Variants in TTC21A observed in about 807,000 individuals in gnomAD.
The protein encoded by TTC21A is tetratricopeptide repeat domain 21A, also known as tetratricopeptide repeat protein 21A.
TTC21A carries 128 observed loss-of-function variants against 156.4 expected under a neutral mutation model. The ratio of observed to expected loss-of-function variants is 0.82; its 90% CI spans 0.71 to 0.95. The LOEUF is 0.95. Ranked by LOEUF, TTC21A falls within the 40% of genes least tolerant of loss-of-function variation. The pLI is 0.00. For synonymous variants in TTC21A, 587 were observed against 617.1 expected (o/e 0.95, Z 0.72); for missense variants, 1,435 against 1,602.3 (o/e 0.90, Z 1.78).
intron 12 of TTC21A, among the ~76,000 whole-genome samples, chr3:39,128,065 C>G (rs564078192): frequency 5.9e-5 from 9 of 152,284 alleles, no homozygotes; most frequent in African/African-American, 2.2e-4. Flanking sequence ...TGTGAAGTGA[C>G]TTAGCTATCT....
intron 9 of TTC21A, among the ~76,000 whole-genome samples, chr3:39,124,761 T>C (rs1298305857): frequency 6.6e-6 from 1 of 151,988 alleles, no homozygotes; most frequent in African/African-American, 2.4e-5. Context: ...TGTGTACATA[T>C]ATATGTCTGA....
At position 39,110,028 on chromosome 3, in the gene TTC21A, G is replaced by A. The variant is rs1373075312; in HGVS notation, c.158-1G>A. 2 of 1,612,056 alleles carry A rather than the reference G, an allele frequency of 1.2e-6. No individual in the cohort carries two copies. The highest frequency in any genetic ancestry group is 1.7e-6 in the Non-Finnish European group (2 of 1,178,492). ...TATAACTATGTGGACTGTCTTTGCA[G>A]AGCACATCCAGGATGCCATCAGTGA... On this transcript the variant is annotated splice_acceptor_variant, in intron 2 of 28. Transcript: ENST00000683103. LOFTEE classifies it high-confidence loss of function.
chr3:39,130,903 T>A lies in TTC21A; in HGVS notation c.2458+64T>A. ...AGACATACTCCTCCCCCATTCCCCA[T>A]TAGCTGAAGTCCTGATCCCAGCGCT... On this transcript the variant is annotated intron_variant, in intron 18 of 28. Coordinates refer to ENST00000683103, the MANE Select transcript of TTC21A (RefSeq NM_001366900.1). This position sits in a 1 kb window ranked among gnomAD's most constrained non-coding sequence, Gnocchi z 4.5. The A allele has an allele frequency of 6.2e-7, 1 of 1,609,896 alleles. No homozygotes were observed. The highest frequency in any genetic ancestry group is 8.5e-7 in the Non-Finnish European group (1 of 1,176,884).
chr3:39,136,565 T>C, intron 23 of TTC21A, 58 bp downstream of exon 23: 1 of 1,584,488 alleles, frequency 6.3e-7, no homozygotes, highest in Non-Finnish European at 8.6e-7. Context: ...TACTGGCAGA[T>C]AGGCTAGGCC....
At chr3:39,131,974 C>A (rs2038763162) in intron 19 of TTC21A, among the ~76,000 whole-genome samples, 1 of 152,124 alleles carries the variant, frequency 6.6e-6, no homozygotes, top group African/African-American at 2.4e-5. Flanking sequence ...TCATATGTTG[C>A]TTATCAGCAG....
intron 5 of TTC21A, among the ~76,000 whole-genome samples, chr3:39,113,774 G>A (rs2037033395): frequency 6.6e-6 from 1 of 152,244 alleles, no homozygotes; most frequent in African/African-American, 2.4e-5. Flanking sequence ...TCTACTGTAT[G>A]AGCATAATGT....
At chr3:39,112,161 G>A (rs759122316) in intron 4 of TTC21A, among the ~76,000 whole-genome samples, 49 of 152,192 alleles carry the variant, frequency 3.2e-4, no homozygotes, top group Admixed American at 7.9e-4. Flanking sequence ...GAGCTGTAGG[G>A]GTACAGGGAG....
At chr3:39,107,928 T>C (rs2036362694) in intron 1 of TTC21A, 64 bp downstream of exon 1, 2 of 1,588,270 alleles carry the variant, frequency 1.3e-6, no homozygotes, top group Admixed American at 3.4e-5. Context: ...CCAGAGACCG[T>C]CTGCCCTGCT....
chr3:39,128,284 G>A, intron 12 of TTC21A, 47 bp from the exon 13 acceptor site: 2 of 1,596,502 alleles, frequency 1.3e-6, no homozygotes, highest in Non-Finnish European at 1.7e-6. Flanking sequence ...TCAGGTCTTA[G>A]GAGCCCTTGG....
In TTC21A at chr3:39,134,813, GC is replaced by G. The variant is rs2038990735; in HGVS notation, c.2863-276del. The G allele has an allele frequency of 1.8e-6, 1 of 549,634 alleles. No individual in the cohort carries two copies. Among genetic ancestry groups the G allele is most frequent in the Non-Finnish European group, 3.3e-6 (1 of 305,782 alleles). The allele number at this position is 549,634 out of a possible 1,614,324, so 34.0% of individuals were successfully genotyped here. On this transcript the variant is annotated intron_variant, in intron 21 of 28. Transcript: ENST00000683103. This position sits in a 1 kb window ranked among gnomAD's most constrained non-coding sequence, Gnocchi z 4.6. The stretch of plus-strand genomic sequence containing the variant: ...GGCTTCCCCTGTAGGCTGTCAAAAA[GC>G]CCCACTGGTCTCTACCACTAGTCTT...
chr3:39,131,270 A>G (rs2038711505), intron 19 of TTC21A, among the ~76,000 whole-genome samples, 175 bp downstream of exon 19: 1 of 152,200 alleles, frequency 6.6e-6, no homozygotes, highest in Non-Finnish European at 1.5e-5. Context: ...TCATTCAGTT[A>G]TGGTACACTA....
In TTC21A at chr3:39,136,274, TG is replaced by T. The variant is rs1488355621; in HGVS notation, c.2945-81del. 4 of 1,479,296 alleles carry T rather than the reference TG, an allele frequency of 2.7e-6. No homozygotes were observed. In the African/African-American group the frequency reaches 5.6e-5, roughly 21 times the overall value. The allele number at this position is 1,479,296 out of a possible 1,614,324, so 91.6% of individuals were successfully genotyped here. On this transcript the variant is annotated intron_variant, in intron 22 of 28. Transcript: ENST00000683103. The stretch of plus-strand genomic sequence containing the variant: ...CTCAGCCCAGATGGGCAGTATCTCT[TG>T]GCTTCTCCTAGGGCCCCAGCACCCT...
chr3:39,125,621 G>A, intron 11 of TTC21A, 89 bp downstream of exon 11: 1 of 987,694 alleles, frequency 1.0e-6, no homozygotes, highest in South Asian at 1.3e-5. Context: ...GACCTTACTT[G>A]GCCAGTCACA....
chr3:39,130,892 C>G lies in TTC21A; in HGVS notation c.2458+53C>G. 6.2e-7 allele frequency: 1 copy of G among 1,610,388 alleles called. No homozygotes were observed. Among genetic ancestry groups the G allele is most frequent in the Non-Finnish European group, 8.5e-7 (1 of 1,177,236 alleles). The stretch of plus-strand genomic sequence containing the variant: ...GCATTTGGAGCAGACATACTCCTCC[C>G]CCATTCCCCATTAGCTGAAGTCCTG... On this transcript the variant is annotated intron_variant, in intron 18 of 28. Transcript: ENST00000683103. The surrounding 1 kb of genome is among the most constrained non-coding windows in gnomAD (Gnocchi z 4.5).
At chr3:39,133,675 C>A (rs1019858812) in intron 20 of TTC21A, among the ~76,000 whole-genome samples, 1 of 152,172 alleles carries the variant, frequency 6.6e-6, no homozygotes, top group Admixed American at 6.5e-5. Flanking sequence ...GGAGTTCACG[C>A]TAACACAGTA....
intron 9 of TTC21A, among the ~76,000 whole-genome samples, chr3:39,123,455 G>A (rs1021930956): frequency 9.2e-5 from 14 of 152,150 alleles, no homozygotes; most frequent in African/African-American, 3.4e-4. Flanking sequence ...GGATGTAACA[G>A]GCCTTATTTC....
intron 27 of TTC21A, 54 bp downstream of exon 27, chr3:39,138,441 G>C: frequency 6.2e-7 from 1 of 1,613,474 alleles, no homozygotes; most frequent in Non-Finnish European, 8.5e-7. Flanking sequence ...AGGTGGGCAG[G>C]AGGGCCCCCA....
At chr3:39,111,997 A>G (rs1044922936) in intron 4 of TTC21A, among the ~76,000 whole-genome samples, 1 of 152,188 alleles carries the variant, frequency 6.6e-6, no homozygotes, top group African/African-American at 2.4e-5. Flanking sequence ...CTCAGAGGGC[A>G]TTCCTTGGCT....
chr3:39,136,653 G>A, intron 23 of TTC21A, 146 bp downstream of exon 23: 1 of 1,143,118 alleles, frequency 8.7e-7, no homozygotes, highest in African/African-American at 1.6e-5. Context: ...TGGGGGCAGG[G>A]GTGGAACCCT....
Sources: gnomAD v4.1 joint callset for allele counts (sites outside exome capture counted in the v4.1 genomes callset) on GRCh38, gnomAD v4.1.1 for gene constraint, Gnocchi (gnomAD v3.1) non-coding constraint, MANE v1.5 for transcripts, NCBI Gene and HGNC (gene_info 2026-07-23, HGNC 2026-07-21) for gene names.